The following IFT74 variants were observed in gnomAD, a reference collection of about 807,000 sequenced individuals.
The protein encoded by IFT74 is intraflagellar transport 74, also known as intraflagellar transport protein 74 homolog.
In IFT74, 92 loss-of-function variants were observed where a neutral mutation model predicts 96.7. The ratio of observed to expected loss-of-function variants is 0.95; its 90% confidence interval spans 0.80 to 1.13. IFT74 has a LOEUF of 1.13. Ranked by LOEUF, IFT74 falls within the 50% of genes most tolerant of loss-of-function variation. IFT74 has a pLI of 0.00. For synonymous variants in IFT74, 223 were observed against 213.2 expected, an observed-to-expected ratio of 1.05 and a Z score of -0.40; for missense variants, 811 against 698.2, an observed-to-expected ratio of 1.16 and a Z score of -1.82.
At chr9:27,060,142 G>A (rs1674234340) in intron 18 of IFT74, among the ~76,000 whole-genome samples, 1 of 152,122 alleles carries the variant, frequency 6.6e-6, no homozygotes, top group South Asian at 2.1e-4. Context: ...ACAGCTTGTG[G>A]AATTACACAG....
Position 27,016,968 on chromosome 9 carries a change from T to A in IFT74, c.851T>A (p.Leu284Ter). ...TTGCTGCATGAAAAACTTTATGAGT[T>A]GGAGTCCCATCGAGATCAAATGATT... ...AVLLHEKLYE[L>*]ESHRDQMIAE... Residue 284 changes from leucine (L) to a stop codon, truncating the protein, a stop_gained, in exon 11 of 20, where the codon TTG becomes TAG. Coordinates refer to ENST00000380062, the MANE Select transcript of IFT74 (RefSeq NM_025103.4). LOFTEE classifies it high-confidence loss of function. 6.2e-7 allele frequency: 1 copy of A among 1,611,718 alleles called. No homozygotes were observed. Among genetic ancestry groups the A allele is most frequent in the Non-Finnish European group, 8.5e-7 (1 of 1,178,678 alleles).
At chr9:26,966,277 T>C (rs1826608156) in intron 2 of IFT74, among the ~76,000 whole-genome samples, 1 of 152,126 alleles carries the variant, frequency 6.6e-6, no homozygotes. Flanking sequence ...TTATACTAAC[T>C]TACATTCCCC....
In IFT74 at chr9:27,048,286, A is replaced by G; in HGVS notation, c.1333+12A>G. On this transcript the variant is annotated intron_variant, in intron 16 of 19. Transcript: ENST00000380062. The stretch of plus-strand genomic sequence containing the variant: ...GAATTTGACTTCAGGTGAGAAAACA[A>G]CCTAGATTTTAATATTCTTTTTTTT... The G allele has an allele frequency of 6.4e-7, 1 of 1,551,142 alleles. No homozygotes were observed. Among genetic ancestry groups the G allele is most frequent in the Non-Finnish European group, 8.7e-7 (1 of 1,146,940 alleles).
At chr9:27,051,327 C>T (rs1245734195) in intron 16 of IFT74, among the ~76,000 whole-genome samples, 3 of 151,612 alleles carry the variant, frequency 2.0e-5, no homozygotes, top group African/African-American at 7.3e-5. Flanking sequence ...GTTTGTTTGC[C>T]GTAGTTTTTT....
At chr9:26,966,480 G>T (rs1409667030) in intron 2 of IFT74, among the ~76,000 whole-genome samples, 1 of 152,050 alleles carries the variant, frequency 6.6e-6, no homozygotes, top group Non-Finnish European at 1.5e-5. Flanking sequence ...CTTCTTTTGA[G>T]AAGTTGTCTA....
chr9:26,987,571 C>T (rs1827692638), intron 6 of IFT74, among the ~76,000 whole-genome samples: 1 of 152,098 alleles, frequency 6.6e-6, no homozygotes, highest in Non-Finnish European at 1.5e-5. Flanking sequence ...AGTTAGCACT[C>T]AATAAATGTT....
chr9:27,020,026 AATG>A (rs1246054819), intron 12 of IFT74, among the ~76,000 whole-genome samples: 1 of 150,950 alleles, frequency 6.6e-6, no homozygotes, highest in Non-Finnish European at 1.5e-5. Flanking sequence ...CCCAGGCTGG[AATG>A]CAGTGGTGCA....
intron 12 of IFT74, among the ~76,000 whole-genome samples, chr9:27,021,500 T>A (rs570746557): frequency 6.6e-6 from 1 of 152,238 alleles, no homozygotes; most frequent in African/African-American, 2.4e-5. Context: ...CATCTATTTT[T>A]AAAAATTTTT....
intron 10 of IFT74, among the ~76,000 whole-genome samples, chr9:27,013,132 T>C (rs1177901783): frequency 1.3e-5 from 2 of 152,130 alleles, no homozygotes; most frequent in Non-Finnish European, 2.9e-5. Flanking sequence ...CTTCATGTAA[T>C]CCCCACAAGA....
At chr9:27,054,084 C>T (rs1213036041) in intron 16 of IFT74, among the ~76,000 whole-genome samples, 1 of 152,246 alleles carries the variant, frequency 6.6e-6, no homozygotes, top group Non-Finnish European at 1.5e-5. Context: ...TCAAGAAATA[C>T]TGGCTTAATT....
intron 2 of IFT74, among the ~76,000 whole-genome samples, chr9:26,964,834 C>A (rs893792622): frequency 6.6e-6 from 1 of 152,014 alleles, no homozygotes; most frequent in Admixed American, 6.6e-5. Context: ...CTGATTGCCA[C>A]GGCACCTGGA....
chr9:27,051,884 AT>A (rs1373834727), intron 16 of IFT74, among the ~76,000 whole-genome samples: 2 of 152,182 alleles, frequency 1.3e-5, no homozygotes, highest in East Asian at 3.8e-4. Context: ...GTGTGTAAGT[AT>A]TTCTTCAGGA....
rs1336064056 is a variant in IFT74 at position 27,056,002 on chromosome 9, C to G, written c.1497+230C>G. Among the ~76,000 whole-genome samples the G allele has an allele frequency of 2.0e-5, 3 of 152,072 alleles. No individual in the cohort carries two copies. In the East Asian group the frequency reaches 5.8e-4, roughly 29 times the overall value. On this transcript the variant is annotated intron_variant, in intron 17 of 19. Transcript: ENST00000380062. Reference sequence around the variant, plus strand: ...GTATAAGCTGCTACTTAATACAGAGCATTTCAGCAGATGTGAGCTTTGTTA... The same window carrying G: ...GTATAAGCTGCTACTTAATACAGAGGATTTCAGCAGATGTGAGCTTTGTTA...
At chr9:27,056,957 C>A (rs1820192858) in intron 18 of IFT74, among the ~76,000 whole-genome samples, 1 of 151,866 alleles carries the variant, frequency 6.6e-6, no homozygotes, top group Non-Finnish European at 1.5e-5. Context: ...TATTTCTATG[C>A]ATTTATAGAA....
At chr9:27,028,287 T>C (rs1829966600) in intron 12 of IFT74, among the ~76,000 whole-genome samples, 1 of 152,218 alleles carries the variant, frequency 6.6e-6, no homozygotes, top group Admixed American at 6.5e-5. Flanking sequence ...TTCTCATTTT[T>C]GAGACTAATT....
intron 16 of IFT74, among the ~76,000 whole-genome samples, chr9:27,052,733 TTC>T (rs1413738523): frequency 6.6e-6 from 1 of 152,160 alleles, no homozygotes; most frequent in Non-Finnish European, 1.5e-5. Flanking sequence ...ATATAATTTA[TTC>T]TTTCTTTCCT....
chr9:27,006,117 T>C (rs1039854559), intron 8 of IFT74, among the ~76,000 whole-genome samples: 2 of 152,198 alleles, frequency 1.3e-5, no homozygotes, highest in South Asian at 4.1e-4. Context: ...GTGCTGGGAT[T>C]ACAAGTGTGA....
At chr9:26,966,185 C>T (rs1826604200) in intron 2 of IFT74, among the ~76,000 whole-genome samples, 1 of 151,294 alleles carries the variant, frequency 6.6e-6, no homozygotes, top group African/African-American at 2.4e-5. Flanking sequence ...TGATTTCTTT[C>T]CTTTTGCAGT....
chr9:26,959,351 C>T (rs992249626), intron 1 of IFT74, among the ~76,000 whole-genome samples: 13 of 152,096 alleles, frequency 8.5e-5, no homozygotes, highest in African/African-American at 2.2e-4. Context: ...CTTCGTGATC[C>T]GCCCGCCTCG....
Sources: allele counts gnomAD v4.1 joint callset (sites outside exome capture counted in the v4.1 genomes callset), GRCh38; gene constraint gnomAD v4.1.1; transcripts MANE v1.5; gene names NCBI Gene and HGNC (gene_info 2026-07-23, HGNC 2026-07-21).